Variants in PSTPIP2 observed in about 807,000 individuals in gnomAD.
PSTPIP2 encodes the protein proline-serine-threonine phosphatase interacting protein 2.
A neutral mutation model predicts 63.3 loss-of-function variants in PSTPIP2; 33 were observed. The observed-to-expected ratio is 0.52, with a 90% CI of 0.40 to 0.70. The LOEUF is 0.70. PSTPIP2 is among the 30% of genes least tolerant of loss of function. The pLI is 0.00. For missense variants in PSTPIP2, 312 were observed against 400.7 expected (o/e 0.78, Z 1.89); for synonymous variants, 125 against 132.7 (o/e 0.94, Z 0.40).
At chr18:46,021,654 T>C (rs982736180) in intron 3 of PSTPIP2, among the ~76,000 whole-genome samples, 1 of 151,272 alleles carries the variant, frequency 6.6e-6, no homozygotes, top group African/African-American at 2.4e-5. Flanking sequence ...ACATTAAAAC[T>C]GAGAATTTGG....
rs150461973 is a variant in PSTPIP2 at position 46,011,381 on chromosome 18, C to T, written c.248-94G>A. 2.3e-5 allele frequency: 23 copies of T among 994,144 alleles called. No homozygotes were observed. The East Asian group carries it at 5.3e-4, about 23-fold the overall frequency. The allele number at this position is 994,144 out of a possible 1,614,324, so 61.6% of individuals were successfully genotyped here. A position where few individuals can be genotyped will look rare whatever the true frequency, so the allele number is the denominator to read the frequency against. ...AAAATAAATATGTATATACAAAATA[C>T]TGGAGTAAGTGGTAAAATCAACATC... is the stretch of plus-strand genomic sequence containing the variant. On this transcript the variant is annotated intron_variant, in intron 4 of 14. Coordinates refer to ENST00000409746, the MANE Select transcript of PSTPIP2 (RefSeq NM_024430.4).
At chr18:45,986,020 G>A (rs533460988) in intron 14 of PSTPIP2, among the ~76,000 whole-genome samples, 7 of 152,104 alleles carry the variant, frequency 4.6e-5, no homozygotes, top group East Asian at 3.9e-4. Context: ...CAGGTGATCC[G>A]CCCGCCTTGG....
chr18:46,072,247 G>A lies in PSTPIP2; in HGVS notation c.-59C>T. 2 of 1,514,478 alleles carry A rather than the reference G, an allele frequency of 1.3e-6. No homozygotes were observed. Among genetic ancestry groups the A allele is most frequent in the East Asian group, 2.7e-5 (1 of 37,062 alleles). 93.8% of individuals were successfully genotyped at this position (1,514,478 alleles called of 1,614,324 possible). A position where few individuals can be genotyped will look rare whatever the true frequency, so the allele number is the denominator to read the frequency against. On this transcript the variant is annotated 5_prime_UTR_variant, in exon 1 of 15. Transcript: ENST00000409746. ...GCCGCAGGTAGCACAGAGCGGGGAG[G>A]CCTGACTGCCACTGCCCGCGGCTCC...
At chr18:46,052,050 C>A (rs1005786040) in intron 1 of PSTPIP2, among the ~76,000 whole-genome samples, 8 of 152,226 alleles carry the variant, frequency 5.3e-5, no homozygotes, top group Non-Finnish European at 1.2e-4. Flanking sequence ...CAGGAAGTGG[C>A]TATACCCAAA....
intron 1 of PSTPIP2, among the ~76,000 whole-genome samples, chr18:46,058,173 C>G (rs1325403721): frequency 4.6e-5 from 7 of 152,008 alleles, no homozygotes; most frequent in Non-Finnish European, 1.0e-4. Context: ...GACAATTACA[C>G]TTGCCTACCT....
At chr18:46,064,415 C>T (rs571777523) in intron 1 of PSTPIP2, among the ~76,000 whole-genome samples, 7 of 148,656 alleles carry the variant, frequency 4.7e-5, no homozygotes, top group East Asian at 3.9e-4. Context: ...CACAGCCTCC[C>T]GAGTAGCTGG....
At chr18:46,030,465 T>C (rs1360551420) in intron 2 of PSTPIP2, among the ~76,000 whole-genome samples, 3 of 152,256 alleles carry the variant, frequency 2.0e-5, no homozygotes, top group East Asian at 1.9e-4. Flanking sequence ...TGTTAGATAA[T>C]GAGCATTGTT....
chr18:46,037,556 A>G (rs1176574810), intron 2 of PSTPIP2, among the ~76,000 whole-genome samples: 2 of 152,182 alleles, frequency 1.3e-5, no homozygotes, highest in East Asian at 3.8e-4. Context: ...CCCAGTTCCC[A>G]CAAGCATCCT....
Position 46,016,558 on chromosome 18 carries a change from T to C in PSTPIP2, c.213-621A>G, listed in dbSNP as rs111235014. On this transcript the variant is annotated intron_variant, in intron 3 of 14. Coordinates refer to ENST00000409746, the MANE Select transcript of PSTPIP2 (RefSeq NM_024430.4). ...TTAATCAGTCCTACAAGACAGACCT[T>C]ATCCCAGACCTCAGAGTCTAATGGA... Among the ~76,000 whole-genome samples, 815 of 152,098 alleles carry C rather than the reference T, an allele frequency of 5.4e-3. 9 individuals carry two copies. The highest frequency in any genetic ancestry group is 0.014 in the Middle Eastern group (4 of 294).
At chr18:45,992,077 A>T in intron 11 of PSTPIP2, 29 bp downstream of exon 11, 2 of 1,597,864 alleles carry the variant, frequency 1.3e-6, no homozygotes, top group East Asian at 2.2e-5. Context: ...TTGTGTAAAT[A>T]ACACTCCCCA....
Position 45,983,892 on chromosome 18 carries a change from A to T in PSTPIP2, c.*1567T>A, listed in dbSNP as rs189369691. 3 of 152,436 alleles carry T rather than the reference A, an allele frequency of 2.0e-5. No individual in the cohort carries two copies. The East Asian group carries it at 5.8e-4, about 29-fold the overall frequency. 9.4% of individuals were successfully genotyped at this position (152,436 alleles called of 1,614,324 possible). On this transcript the variant is annotated 3_prime_UTR_variant, in exon 15 of 15. Transcript: ENST00000409746. ...CCGGGCGCAGTGGCTCACGCCTGTA[A>T]TCCCAGCACTTTGGGAGGCCGAGGC...
intron 2 of PSTPIP2, among the ~76,000 whole-genome samples, chr18:46,028,155 T>G (rs769704221): frequency 6.6e-6 from 1 of 152,208 alleles, no homozygotes; most frequent in East Asian, 1.9e-4. Context: ...AGTGAGACAG[T>G]GTCTCAAAAA....
intron 1 of PSTPIP2, among the ~76,000 whole-genome samples, chr18:46,071,118 A>C (rs1216181542): frequency 6.6e-6 from 1 of 152,114 alleles, no homozygotes; most frequent in Non-Finnish European, 1.5e-5. Context: ...GAAGGGACTC[A>C]CAGGCACAGT....
At chr18:46,017,623 T>C (rs557916691) in intron 3 of PSTPIP2, among the ~76,000 whole-genome samples, 6 of 152,278 alleles carry the variant, frequency 3.9e-5, no homozygotes, top group Middle Eastern at 3.4e-3. Context: ...CTTTTCTTTT[T>C]TGAAATGTAT....
At chr18:46,061,915 AG>A (rs1909006456) in intron 1 of PSTPIP2, among the ~76,000 whole-genome samples, 1 of 152,204 alleles carries the variant, frequency 6.6e-6, no homozygotes, top group Non-Finnish European at 1.5e-5. Context: ...CCATATTTCT[AG>A]GGTTTTCGAA....
At chr18:46,015,052 A>G (rs1164789724) in intron 4 of PSTPIP2, among the ~76,000 whole-genome samples, 1 of 152,168 alleles carries the variant, frequency 6.6e-6, no homozygotes, top group Non-Finnish European at 1.5e-5. Flanking sequence ...AGAGGGATGC[A>G]GGTTTCCAGA....
At chr18:46,020,525 T>C (rs1907308349) in intron 3 of PSTPIP2, among the ~76,000 whole-genome samples, 1 of 151,922 alleles carries the variant, frequency 6.6e-6, no homozygotes, top group South Asian at 2.1e-4. Flanking sequence ...GGGTGGCGAG[T>C]GCCTATAATC....
At chr18:46,023,577 TA>T (rs1200650000) in intron 3 of PSTPIP2, among the ~76,000 whole-genome samples, 9 of 152,120 alleles carry the variant, frequency 5.9e-5, no homozygotes, top group Non-Finnish European at 1.0e-4. Flanking sequence ...AAAGTTTTTT[TA>T]AAATGGTGCA....
intron 2 of PSTPIP2, among the ~76,000 whole-genome samples, chr18:46,028,144 G>A (rs1471242780): frequency 1.3e-5 from 2 of 152,258 alleles, no homozygotes; most frequent in Non-Finnish European, 2.9e-5. Flanking sequence ...CCGGGCGACA[G>A]AGTGAGACAG....
Sources: allele counts gnomAD v4.1 joint callset (sites outside exome capture counted in the v4.1 genomes callset), GRCh38; gene constraint gnomAD v4.1.1; transcripts MANE v1.5; gene names NCBI Gene and HGNC (gene_info 2026-07-23, HGNC 2026-07-21).